Variants in PDCD11 observed in about 807,000 individuals in gnomAD.
The protein encoded by PDCD11 is protein RRP5 homolog.
A neutral mutation model predicts 198.9 loss-of-function variants in PDCD11; 97 were observed. That is an observed-to-expected ratio of 0.49 (90% CI 0.41 to 0.58). PDCD11 has a LOEUF of 0.58. Among genes scored for constraint, PDCD11 ranks in the 20% least tolerant of loss-of-function variants. The pLI is 0.00. For missense variants in PDCD11, 2,102 were observed against 2,312.7 expected (o/e 0.91, Z 1.87); for synonymous variants, 893 against 918.0 (o/e 0.97, Z 0.49).
At chr10:103,440,930 A>G (rs2032361353) in intron 30 of PDCD11, 80 bp downstream of exon 30, 1 of 981,092 alleles carries the variant, frequency 1.0e-6, no homozygotes, top group Non-Finnish European at 1.5e-6. Context: ...ATCCTCTTTT[A>G]CTTCATTTCC....
Position 103,418,589 on chromosome 10 carries a change from C to G in PDCD11, c.2061C>G (p.Asp687Glu). Reference sequence around the variant, plus strand: ...TACATCATTGGCTCCAGGCAGGTGACATCCTTCACCGAGTCCTGTGTCTGA... The same window carrying G: ...TACATCATTGGCTCCAGGCAGGTGAGATCCTTCACCGAGTCCTGTGTCTGA... ...PLLHHWLQAG[D>E]ILHRVLCLSQ... Residue 687 changes from aspartate to glutamate, a missense_variant, in exon 15 of 36, where the codon GAC (aspartate) becomes GAG (glutamate). Transcript: ENST00000369797. 1 of 1,614,198 alleles carries G rather than the reference C, an allele frequency of 6.2e-7. No individual in the cohort carries two copies. Among genetic ancestry groups the G allele is most frequent in the East Asian group, 2.2e-5 (1 of 44,890 alleles).
intron 35 of PDCD11, 36 bp from the exon 36 acceptor site, chr10:103,445,342 C>G: frequency 6.2e-7 from 1 of 1,609,912 alleles, no homozygotes; most frequent in Non-Finnish European, 8.5e-7. Context: ...TGACCTGGGA[C>G]TGACAGGCAA....
In PDCD11 at chr10:103,442,310, C is replaced by G; in HGVS notation, c.4805C>G (p.Pro1602Arg). Residue 1602 changes from proline (P) to arginine (R), a missense_variant, in exon 32 of 36, where the codon CCA becomes CGA. Coordinates refer to ENST00000369797, the MANE Select transcript of PDCD11 (RefSeq NM_014976.2). ...GCGCTGATGGATCCTGGGCGGCAGC[C>G]AGAGTCCGCGGATGATTTTGACCGA... ...EEALMDPGRQ[P>R]ESADDFDRLV... is the part of the protein sequence containing the mutation. The G allele has an allele frequency of 6.2e-7, 1 of 1,614,252 alleles. No individual in the cohort carries two copies. The highest frequency in any genetic ancestry group is 8.5e-7 in the Non-Finnish European group (1 of 1,180,038).
At chr10:103,410,601 CTTTT>C (rs538298131) in intron 8 of PDCD11, among the ~76,000 whole-genome samples, 1 of 129,830 alleles carries the variant, frequency 7.7e-6, no homozygotes, top group African/African-American at 2.8e-5. Flanking sequence ...CTTTTCTTTT[CTTTT>C]TTTTTTTTTT....
intron 32 of PDCD11, 82 bp from the exon 33 acceptor site, chr10:103,443,083 G>C (rs1350292841): frequency 1.6e-6 from 2 of 1,255,160 alleles, no homozygotes; most frequent in African/African-American, 3.0e-5. Context: ...GGGAGGGGGA[G>C]GTGGTTCCTG....
At chr10:103,434,438 C>A in intron 24 of PDCD11, 88 bp downstream of exon 24, 1 of 841,648 alleles carries the variant, frequency 1.2e-6, no homozygotes, top group Non-Finnish European at 2.0e-6. Flanking sequence ...AGTTGGAGGA[C>A]CCCTTCGGTA....
At chr10:103,400,569 T>A (rs1362860307) in intron 3 of PDCD11, 41 bp downstream of exon 3, 1 of 1,582,880 alleles carries the variant, frequency 6.3e-7, no homozygotes, top group South Asian at 1.2e-5. Context: ...TCGACCTTGG[T>A]TGCTTAAGTT....
In PDCD11 at chr10:103,416,734, A is replaced by G. The variant is rs2031131685; in HGVS notation, c.1762A>G (p.Thr588Ala). 1.9e-6 allele frequency: 3 copies of G among 1,613,284 alleles called. No individual in the cohort carries two copies. Among genetic ancestry groups the G allele is most frequent in the African/African-American group, 1.3e-5 (1 of 74,902 alleles). ...CCCTGACCCGGAGAGAGTTTTTTAC[A>G]CTGGCCAGGTAACCCTTCCCCTAGA... is the stretch of plus-strand genomic sequence containing the variant. ...YIPDPERVFY[T>A]GQVVKVVVLN... The change falls in exon 13 of 36, where the codon ACT becomes GCT. Residue 588 changes from threonine (T) to alanine (A), a missense_variant. By Grantham distance (58) the Thr-to-Ala change is moderately conservative (BLOSUM62 0). Transcript: ENST00000369797.
Position 103,422,977 on chromosome 10 carries a change from A to C in PDCD11, c.2498-11A>C. The C allele has an allele frequency of 6.7e-7, 1 of 1,489,734 alleles. No homozygotes were observed. Among genetic ancestry groups the C allele is most frequent in the Non-Finnish European group, 8.9e-7 (1 of 1,117,786 alleles). The allele number at this position is 1,489,734 out of a possible 1,614,324, so 92.3% of individuals were successfully genotyped here. A position where few individuals can be genotyped will look rare whatever the true frequency, so the allele number is the denominator to read the frequency against. On this transcript the variant is annotated splice_polypyrimidine_tract_variant and intron_variant, in intron 17 of 35. Transcript: ENST00000369797. ...TGGTACTAATCCGTGTTTCCTTTGG[A>C]TCTCTGGCAGACTCTGTGTTGATCC... is the stretch of plus-strand genomic sequence containing the variant.
At chr10:103,424,492 G>A (rs1390465719) in intron 19 of PDCD11, among the ~76,000 whole-genome samples, 1 of 152,180 alleles carries the variant, frequency 6.6e-6, no homozygotes, top group Non-Finnish European at 1.5e-5. Context: ...AAGAGCATGA[G>A]CACAATTTGG....
intron 14 of PDCD11, 101 bp downstream of exon 14, chr10:103,418,033 A>C (rs1302802333): frequency 7.5e-7 from 1 of 1,333,838 alleles, no homozygotes; most frequent in Non-Finnish European, 1.1e-6. Context: ...GGAAAGATAG[A>C]GGTAGCTAGA....
In PDCD11 at chr10:103,443,993, C is replaced by T. The variant is rs1432501676; in HGVS notation, c.5203C>T (p.Leu1735Phe). The T allele has an allele frequency of 1.2e-6, 2 of 1,613,624 alleles. No homozygotes were observed. Among genetic ancestry groups the T allele is most frequent in the Non-Finnish European group, 1.7e-6 (2 of 1,179,954 alleles). ...KAVWIKYGAF[L>F]LRRSQAAASH... Reference sequence around the variant, plus strand: ...TGTGTGGATCAAATACGGCGCCTTCCTTCTGCGGAGGAGCCAGGCTGCAGC... The same window carrying T: ...TGTGTGGATCAAATACGGCGCCTTCTTTCTGCGGAGGAGCCAGGCTGCAGC... Residue 1735 changes from leucine (L) to phenylalanine (F), a missense_variant, in exon 34 of 36, where the codon CTT becomes TTT. By Grantham distance (22) the Leu-to-Phe change is conservative. Coordinates refer to ENST00000369797, the MANE Select transcript of PDCD11 (RefSeq NM_014976.2).
At chr10:103,444,103 C>A in intron 34 of PDCD11, 35 bp downstream of exon 34, 2 of 1,593,386 alleles carry the variant, frequency 1.3e-6, no homozygotes, top group Non-Finnish European at 1.7e-6. Flanking sequence ...AGCCCATGAG[C>A]ACTCCAGGAT....
intron 27 of PDCD11, 67 bp downstream of exon 27, chr10:103,438,875 A>T: frequency 6.4e-7 from 1 of 1,560,362 alleles, no homozygotes; most frequent in Non-Finnish European, 8.8e-7. Context: ...TCTGGGGTCC[A>T]CTGTGTTCCT....
At position 103,423,012 on chromosome 10, in the gene PDCD11, C is replaced by A; in HGVS notation, c.2522C>A (p.Ala841Asp). 1.3e-6 allele frequency: 2 copies of A among 1,580,088 alleles called. No homozygotes were observed. Among genetic ancestry groups the A allele is most frequent in the African/African-American group, 2.7e-5 (2 of 73,500 alleles). ...NRDSVLIQTL[A>D]EMTPGMFLDL... ...GACTCTGTGTTGATCCAGACGCTGG[C>A]CGAGATGACCCCAGGAATGTTCCTT... Residue 841 changes from alanine to aspartate, a missense_variant, in exon 18 of 36, where the codon GCC becomes GAC. Physicochemically the swap from Ala to Asp is moderately radical, Grantham distance 126. Transcript: ENST00000369797.
At chr10:103,403,973 G>A (rs1376444987) in intron 4 of PDCD11, among the ~76,000 whole-genome samples, 1 of 152,172 alleles carries the variant, frequency 6.6e-6, no homozygotes, top group Non-Finnish European at 1.5e-5. Context: ...AGGGGACCTG[G>A]ATTGGGAGAG....
At chr10:103,414,196 T>G (rs745946915) in intron 10 of PDCD11, 74 bp from the exon 11 acceptor site, 1 of 1,579,256 alleles carries the variant, frequency 6.3e-7, no homozygotes, top group Non-Finnish European at 8.7e-7. Flanking sequence ...CTTGCCAGCA[T>G]GCCTGTGGTA....
intron 32 of PDCD11, among the ~76,000 whole-genome samples, chr10:103,442,876 A>G (rs2133755831): frequency 6.6e-6 from 1 of 152,114 alleles, no homozygotes; most frequent in East Asian, 1.9e-4. Context: ...CAGACCCAGG[A>G]CTCTGCGTCC....
intron 16 of PDCD11, among the ~76,000 whole-genome samples, chr10:103,420,759 G>T (rs574689317): frequency 6.6e-6 from 1 of 152,306 alleles, no homozygotes; most frequent in Admixed American, 6.5e-5. Context: ...GGGTTCCCGT[G>T]GGTTGTTAGG....
Sources: gnomAD v4.1 joint callset for allele counts (sites outside exome capture counted in the v4.1 genomes callset) on GRCh38, gnomAD v4.1.1 for gene constraint, MANE v1.5 for transcripts, NCBI Gene and HGNC (gene_info 2026-07-23, HGNC 2026-07-21) for gene names.